The following AGBL2 variants were observed in gnomAD, a reference collection of about 807,000 sequenced individuals.
The protein encoded by AGBL2 is AGBL carboxypeptidase 2.
Under a neutral mutation model 103.0 loss-of-function variants are expected in AGBL2, and 87 were observed. The ratio of observed to expected loss-of-function variants is 0.84; its 90% CI spans 0.71 to 1.01. The LOEUF is 1.01. Ranked by LOEUF, AGBL2 falls within the 50% of genes least tolerant of loss-of-function variation. AGBL2 has a pLI of 0.00. For synonymous variants in AGBL2, 335 were observed against 356.7 expected (o/e 0.94, Z 0.69); for missense variants, 904 against 1,023.5 (o/e 0.88, Z 1.59).
chr11:47,709,940 A>G (rs1460839779), intron 4 of AGBL2, among the ~76,000 whole-genome samples: 1 of 151,600 alleles, frequency 6.6e-6, no homozygotes, highest in Non-Finnish European at 1.5e-5. Flanking sequence ...CCCAGGCTGG[A>G]GTACAGTGGC....
chr11:47,667,553 C>A lies in AGBL2; in HGVS notation c.2340+18G>T. ...GTCTGAAACTAGACAGTAGAAATAGCCAGCAAGTCTTTCTTACTGAGGTAT... is the reference window on the plus strand; with the variant it reads ...GTCTGAAACTAGACAGTAGAAATAGACAGCAAGTCTTTCTTACTGAGGTAT... On this transcript the variant is annotated intron_variant, in intron 16 of 18. Transcript: ENST00000525123. 6.2e-7 allele frequency: 1 copy of A among 1,612,066 alleles called. No individual in the cohort carries two copies. Among genetic ancestry groups the A allele is most frequent in the African/African-American group, 1.3e-5 (1 of 74,794 alleles).
At chr11:47,677,182 A>G in intron 14 of AGBL2, 89 bp downstream of exon 14, 1 of 1,148,272 alleles carries the variant, frequency 8.7e-7, no homozygotes, top group East Asian at 3.2e-5. Context: ...TAATTTTTGT[A>G]TTTTTTGTAG....
chr11:47,701,216 A>G (rs1396995606), intron 7 of AGBL2, among the ~76,000 whole-genome samples: 1 of 152,044 alleles, frequency 6.6e-6, no homozygotes, highest in East Asian at 1.9e-4. Context: ...CACGCCTGTA[A>G]TCCCAGCACT....
chr11:47,660,518 C>G (rs1387798927), intron 18 of AGBL2, among the ~76,000 whole-genome samples, 172 bp from the exon 19 acceptor site: 1 of 151,774 alleles, frequency 6.6e-6, no homozygotes, highest in Admixed American at 6.6e-5. Context: ...GAGCATTTGT[C>G]CTGGTCCCTT....
chr11:47,679,589 A>G (rs2097393323), intron 13 of AGBL2, among the ~76,000 whole-genome samples: 1 of 151,994 alleles, frequency 6.6e-6, no homozygotes, highest in Non-Finnish European at 1.5e-5. Context: ...AAGATTGCCT[A>G]TAATTCCACT....
At chr11:47,686,933 TG>T in intron 10 of AGBL2, among the ~76,000 whole-genome samples, 1 of 121,086 alleles carries the variant, frequency 8.3e-6, no homozygotes. Flanking sequence ...CATTCTAGCC[TG>T]GGCATCAAGA....
rs896644092 is a variant in AGBL2, at chr11:47,688,742, A to C, written c.1631+1334T>G. On this transcript the variant is annotated intron_variant, in intron 10 of 18. Transcript: ENST00000525123. ...CAGCCAGCAGTAAAAACAGGTCTCA[A>C]ACTCAGGCCTGTCTGACTCTGAAAC... 2.0e-5 allele frequency among the ~76,000 whole-genome samples: 3 copies of C among 152,046 alleles called. No individual in the cohort carries two copies. In the South Asian group the frequency reaches 6.2e-4, roughly 32 times the overall value.
chr11:47,712,775 C>T (rs1395165097), intron 3 of AGBL2, among the ~76,000 whole-genome samples: 1 of 152,050 alleles, frequency 6.6e-6, no homozygotes, highest in African/African-American at 2.4e-5. Context: ...CGTGGTGGCT[C>T]ATGCCTGTAA....
At chr11:47,690,904 T>C in intron 9 of AGBL2, 46 bp from the exon 10 acceptor site, 1 of 1,470,614 alleles carries the variant, frequency 6.8e-7, no homozygotes, top group Non-Finnish European at 9.2e-7. Flanking sequence ...ACACCCTGCC[T>C]TAAAAAACAA....
At chr11:47,714,807 C>G in intron 1 of AGBL2, 57 bp from the exon 2 acceptor site, 1 of 726,120 alleles carries the variant, frequency 1.4e-6, no homozygotes, top group Non-Finnish European at 2.4e-6. Flanking sequence ...CGGGCGCCCC[C>G]CAGCTCCCTC....
intron 2 of AGBL2, 67 bp downstream of exon 2, chr11:47,714,551 T>C (rs1599137153): frequency 6.5e-7 from 1 of 1,543,426 alleles, no homozygotes; most frequent in Non-Finnish European, 9.0e-7. Context: ...AGCAGATTTC[T>C]GTGGAGTTCC....
At chr11:47,676,726 G>A (rs547516560) in intron 14 of AGBL2, among the ~76,000 whole-genome samples, 2 of 151,630 alleles carry the variant, frequency 1.3e-5, no homozygotes, top group East Asian at 1.9e-4. Context: ...GGCTGAGCCC[G>A]GAGAATGGCC....
At chr11:47,704,455 C>A in intron 7 of AGBL2, 88 bp downstream of exon 7, 1 of 1,213,102 alleles carries the variant, frequency 8.2e-7, no homozygotes, top group South Asian at 1.5e-5. Context: ...TGCACTCCAG[C>A]CTGGGAAATA....
chr11:47,659,927 T>TGC lies in AGBL2; in HGVS notation c.*245_*246insGC, dbSNP rs1201090579. On this transcript the variant is annotated 3_prime_UTR_variant, in exon 19 of 19. Transcript: ENST00000525123. ...GTGTGCCATGAGAACACACTTCAGT[T>TGC]TCTGATAAAGCATTTTTACACATCA... The TGC allele has an allele frequency of 1.9e-4, 72 of 370,264 alleles. No individual in the cohort carries two copies. The highest frequency in any genetic ancestry group is 3.2e-4 in the Non-Finnish European group (66 of 208,386). The allele number at this position is 370,264 out of a possible 1,614,324, so 22.9% of individuals were successfully genotyped here.
chr11:47,668,596 A>G (rs900607894), intron 15 of AGBL2, among the ~76,000 whole-genome samples: 1 of 152,236 alleles, frequency 6.6e-6, no homozygotes, highest in Admixed American at 6.5e-5. Flanking sequence ...AGGCCCAGAT[A>G]TTAATGATCA....
chr11:47,712,809 G>A (rs2097539359), intron 3 of AGBL2, among the ~76,000 whole-genome samples: 1 of 152,186 alleles, frequency 6.6e-6, no homozygotes, highest in Non-Finnish European at 1.5e-5. Context: ...GGAGGCTGAG[G>A]TGGGTGGATC....
chr11:47,693,847 G>A (rs933594778), intron 8 of AGBL2, among the ~76,000 whole-genome samples: 3 of 151,104 alleles, frequency 2.0e-5, no homozygotes, highest in East Asian at 2.0e-4. Flanking sequence ...TGTCTTCTCC[G>A]TTCCATTATA....
intron 10 of AGBL2, among the ~76,000 whole-genome samples, chr11:47,687,585 C>T (rs890445706): frequency 6.6e-6 from 1 of 151,512 alleles, no homozygotes; most frequent in African/African-American, 2.4e-5. Flanking sequence ...CTCCCCTACA[C>T]TTATTCTCTC....
chr11:47,692,325 GCCCC>G, intron 8 of AGBL2, 69 bp from the exon 9 acceptor site: 4 of 1,359,326 alleles, frequency 2.9e-6, no homozygotes, highest in Non-Finnish European at 4.1e-6. Context: ...TACTTAAGTG[GCCCC>G]TCTAAGTGGT....
Sources: gnomAD v4.1 joint callset for allele counts (sites outside exome capture counted in the v4.1 genomes callset) on GRCh38, gnomAD v4.1.1 for gene constraint, MANE v1.5 for transcripts, NCBI Gene and HGNC (gene_info 2026-07-23, HGNC 2026-07-21) for gene names.